The following MXD4 variants were observed in gnomAD, a reference collection of about 807,000 sequenced individuals.
MXD4 encodes the protein MAX dimerization protein 4.
A neutral mutation model predicts 24.5 loss-of-function variants in MXD4; 16 were observed. That is an observed-to-expected ratio of 0.65 (90% CI 0.44 to 0.99). MXD4 has a LOEUF of 0.99. MXD4 is among the 50% of genes least tolerant of loss of function. The pLI, the probability that MXD4 is intolerant of heterozygous loss-of-function variation, is 0.00. For missense variants in MXD4, 301 were observed against 301.5 expected, an observed-to-expected ratio of 1.00 and a Z score of 0.01; for synonymous variants, 164 against 134.2, an observed-to-expected ratio of 1.22 and a Z score of -1.54.
intron 2 of MXD4, among the ~76,000 whole-genome samples, chr4:2,261,291 GCCCA>G (rs1038707504): frequency 6.6e-6 from 1 of 152,112 alleles, no homozygotes; most frequent in South Asian, 2.1e-4. Flanking sequence ...AAAGGAGGCC[GCCCA>G]CCCACCCGCG....
In MXD4 at chr4:2,249,418, G is replaced by C. The variant is rs1735265006; in HGVS notation, c.*1126C>G. 6.6e-6 allele frequency: 1 copy of C among 151,980 alleles called. No homozygotes were observed. The highest frequency in any genetic ancestry group is 2.1e-4 in the South Asian group (1 of 4,830). The allele number at this position is 151,980 out of a possible 1,614,324, so 9.4% of individuals were successfully genotyped here. On this transcript the variant is annotated 3_prime_UTR_variant, in exon 6 of 6. Transcript: ENST00000337190. ...GCACACACGGACGTCCCTAGGCCGA[G>C]AGTCTTTAGGCTTTCTTCTTTTTAA...
chr4:2,257,231 G>A (rs1284292757), intron 3 of MXD4, among the ~76,000 whole-genome samples: 4 of 152,180 alleles, frequency 2.6e-5, no homozygotes, highest in African/African-American at 7.2e-5. Flanking sequence ...CAAGCAGCAC[G>A]CAGACCTGCC....
intron 3 of MXD4, among the ~76,000 whole-genome samples, chr4:2,256,924 C>G (rs760836303): frequency 7.2e-5 from 11 of 152,178 alleles, no homozygotes; most frequent in Non-Finnish European, 1.2e-4. Flanking sequence ...GGGTCCTGGT[C>G]AAGGCTAGGC....
Position 2,261,748 on chromosome 4 carries a change from C to A in MXD4, c.141G>T (p.Leu47=). ...FAREKTKAAG[L]VRKAPNNRSS... ...ACCTGTTGTTCGGGGCCTTGCGCAC[C>A]AGGCCGGCCGCCTTTGTTTTCTCCC... The change falls in exon 2 of 6, where the codon CTG becomes CTT. Residue 47 remains leucine, a synonymous_variant. Coordinates refer to ENST00000337190, the MANE Select transcript of MXD4 (RefSeq NM_006454.3). 7.0e-7 allele frequency: 1 copy of A among 1,422,414 alleles called. No individual in the cohort carries two copies. 88.1% of individuals were successfully genotyped at this position (1,422,414 alleles called of 1,614,324 possible). A position where few individuals can be genotyped will look rare whatever the true frequency, so the allele number is the denominator to read the frequency against.
chr4:2,252,698 G>A (rs1311096672), intron 3 of MXD4, 176 bp from the exon 4 acceptor site: 5 of 563,322 alleles, frequency 8.9e-6, no homozygotes, highest in Non-Finnish European at 1.6e-5. Flanking sequence ...CCCAGGAGGA[G>A]CCCAACACCC....
intron 3 of MXD4, among the ~76,000 whole-genome samples, chr4:2,256,388 G>A (rs1012562359): frequency 1.3e-5 from 2 of 152,186 alleles, no homozygotes; most frequent in East Asian, 3.9e-4. Context: ...CCCCAGTAAG[G>A]GGACAACTCC....
rs1461457036 is a variant in MXD4 at position 2,262,087 on chromosome 4, A to C, written c.-107T>G. The C allele has an allele frequency of 1.9e-6, 1 of 521,876 alleles. No homozygotes were observed. Among genetic ancestry groups the C allele is most frequent in the African/African-American group, 2.1e-5 (1 of 47,886 alleles). The allele number at this position is 521,876 out of a possible 1,614,324, so 32.3% of individuals were successfully genotyped here. A position where few individuals can be genotyped will look rare whatever the true frequency, so the allele number is the denominator to read the frequency against. ...CCGCGCGCCCGGCCGCCGCACTTCC[A>C]GACTCCGCGGACTCCGGCGCTCGGC... On this transcript the variant is annotated 5_prime_UTR_variant, in exon 1 of 6. Coordinates refer to ENST00000337190, the MANE Select transcript of MXD4 (RefSeq NM_006454.3).
chr4:2,261,026 G>T (rs189332334), intron 2 of MXD4, among the ~76,000 whole-genome samples: 1 of 152,218 alleles, frequency 6.6e-6, no homozygotes, highest in Non-Finnish European at 1.5e-5. Context: ...GCTGGCACCC[G>T]TAGTAACGAC....
At chr4:2,261,651 GC>G in intron 2 of MXD4, 73 bp downstream of exon 2, 2 of 914,360 alleles carry the variant, frequency 2.2e-6, no homozygotes, top group Non-Finnish European at 1.4e-6. Context: ...GGGAATCGGG[GC>G]CCGGAGAGCA....
At chr4:2,257,304 C>T (rs1048911856) in intron 3 of MXD4, among the ~76,000 whole-genome samples, 3 of 152,204 alleles carry the variant, frequency 2.0e-5, no homozygotes, top group Non-Finnish European at 4.4e-5. Context: ...CAGGAGAGAG[C>T]GAAGGACCAG....
intron 3 of MXD4, among the ~76,000 whole-genome samples, chr4:2,257,041 C>A (rs1386505935): frequency 1.3e-5 from 2 of 152,206 alleles, no homozygotes; most frequent in Non-Finnish European, 2.9e-5. Context: ...CACACATGAC[C>A]TGTCCAGGAA....
chr4:2,248,641 G>C lies in MXD4; in HGVS notation c.*1903C>G, dbSNP rs2108786898. The C allele has an allele frequency of 6.6e-6, 1 of 152,402 alleles. No individual in the cohort carries two copies. The highest frequency in any genetic ancestry group is 3.4e-3 in the Middle Eastern group (1 of 294). 9.4% of individuals were successfully genotyped at this position (152,402 alleles called of 1,614,324 possible). ...AGGCCTCCTCACAACCACCCGCAAC[G>C]CGTTCGGATGCCCCTCAGCTCCAGG... On this transcript the variant is annotated 3_prime_UTR_variant, in exon 6 of 6. Transcript: ENST00000337190.
In MXD4 at chr4:2,248,951, C is replaced by T. The variant is rs141525951; in HGVS notation, c.*1593G>A. 6.6e-6 allele frequency: 1 copy of T among 152,472 alleles called. No individual in the cohort carries two copies. Among genetic ancestry groups the T allele is most frequent in the East Asian group, 1.9e-4 (1 of 5,186 alleles). The allele number at this position is 152,472 out of a possible 1,614,324, so 9.4% of individuals were successfully genotyped here. On this transcript the variant is annotated 3_prime_UTR_variant, in exon 6 of 6. Coordinates refer to ENST00000337190, the MANE Select transcript of MXD4 (RefSeq NM_006454.3). ...AGCGAGCACAGTCTTCATTGGCTGC[C>T]AGTGTCTGAAACCTGGAACCCTCGC...
chr4:2,255,030 G>A (rs929720420), intron 3 of MXD4: 8 of 348,514 alleles, frequency 2.3e-5, no homozygotes, highest in Admixed American at 1.2e-4. Flanking sequence ...AGGACTGTCC[G>A]GAAGTCCCTG....
intron 2 of MXD4, among the ~76,000 whole-genome samples, chr4:2,258,614 G>T (rs961971260): frequency 6.6e-6 from 1 of 152,224 alleles, no homozygotes; most frequent in Non-Finnish European, 1.5e-5. Flanking sequence ...TCAGGACACA[G>T]GTGGTCCTGT....
At chr4:2,255,561 A>C (rs1735408835) in intron 3 of MXD4, among the ~76,000 whole-genome samples, 1 of 152,172 alleles carries the variant, frequency 6.6e-6, no homozygotes, top group African/African-American at 2.4e-5. Context: ...TGAGCCATGA[A>C]GCCCCTCAGC....
Position 2,258,090 on chromosome 4 carries a change from G to A in MXD4, c.165-79C>T, listed in dbSNP as rs73797002. The A allele has an allele frequency of 7.1e-4, 1,113 of 1,557,462 alleles. 5 individuals are homozygous for A. The African/African-American group carries it at 0.013, about 18-fold the overall frequency. ...ACAGAGAGCAGTGCTCTCCTAGGGG[G>A]CCAGGACCTGCAGACAGTGGCTGGC... On this transcript the variant is annotated intron_variant, in intron 2 of 5. Coordinates refer to ENST00000337190, the MANE Select transcript of MXD4 (RefSeq NM_006454.3).
intron 3 of MXD4, among the ~76,000 whole-genome samples, chr4:2,257,020 A>AC (rs1004212152): frequency 7.9e-5 from 12 of 151,472 alleles, no homozygotes; most frequent in Non-Finnish European, 1.6e-4. Flanking sequence ...CCTCTAGGGA[A>AC]CCCCCCGAAA....
intron 3 of MXD4, chr4:2,255,131 C>G: frequency 2.7e-6 from 1 of 373,848 alleles, no homozygotes; most frequent in South Asian, 2.0e-5. Flanking sequence ...GGAGTGTGCC[C>G]TGACGCAGGC....
Sources: gnomAD v4.1 joint callset for allele counts (sites outside exome capture counted in the v4.1 genomes callset) on GRCh38, gnomAD v4.1.1 for gene constraint, MANE v1.5 for transcripts, NCBI Gene and HGNC (gene_info 2026-07-23, HGNC 2026-07-21) for gene names.